WNK1: variants seen among roughly 807,000 people sequenced by gnomAD.
WNK1 encodes the protein WNK lysine deficient protein kinase 1.
In WNK1, 38 loss-of-function variants were observed where a neutral mutation model predicts 222.8. That is an observed-to-expected ratio of 0.17 (90% CI 0.13 to 0.22). The LOEUF (loss-of-function observed/expected upper bound fraction) is 0.22, where lower values mean the gene tolerates loss of function less well. Ranked by LOEUF, WNK1 falls within the 10% of genes least tolerant of loss-of-function variation. The pLI, the probability that WNK1 is intolerant of heterozygous loss-of-function variation, is 1.00. For synonymous variants in WNK1, 1,090 were observed against 1,092.9 expected (o/e 1.00, Z 0.05); for missense variants, 2,348 against 2,918.4 (o/e 0.80, Z 4.50).
rs1337401133 is a variant in WNK1 at position 908,544 on chromosome 12, G to C, written c.6901G>C (p.Gly2301Arg). 1 of 1,614,178 alleles carries C rather than the reference G, an allele frequency of 6.2e-7. No individual in the cohort carries two copies. The highest frequency in any genetic ancestry group is 1.1e-5 in the South Asian group (1 of 91,078). ...CATCTCCATGACCTCGAACCTGGGT[G>C]GCTCTGCCCCCATCTCTGCAGCATC... Reference protein sequence around the residue: ...LCISMTSNLGGSAPISAASAT... With the variant: ...LCISMTSNLGRSAPISAASAT... The change falls in exon 28 of 28, where the codon GGC (glycine) becomes CGC (arginine). Residue 2301 changes from glycine to arginine, a missense_variant. Coordinates refer to ENST00000315939, the MANE Select transcript of WNK1 (RefSeq NM_018979.4).
At chr12:782,740 G>A (rs1337195688) in intron 1 of WNK1, among the ~76,000 whole-genome samples, 1 of 151,954 alleles carries the variant, frequency 6.6e-6, no homozygotes, top group Admixed American at 6.6e-5. Context: ...CTGACCTGAA[G>A]TGATCCACCT....
intron 8 of WNK1, among the ~76,000 whole-genome samples, 191 bp downstream of exon 8, chr12:862,461 A>G (rs1592064938): frequency 6.6e-6 from 1 of 152,270 alleles, no homozygotes; most frequent in South Asian, 2.1e-4. Flanking sequence ...AACTGCCTAC[A>G]TGAAGCAGCT....
At chr12:784,425 T>G (rs1358599269) in intron 1 of WNK1, among the ~76,000 whole-genome samples, 1 of 152,158 alleles carries the variant, frequency 6.6e-6, no homozygotes, top group Non-Finnish European at 1.5e-5. Flanking sequence ...GAATTACAGT[T>G]TTTTAATTTT....
Position 897,203 on chromosome 12 carries a change from A to G in WNK1, c.6246-276A>G, listed in dbSNP as rs12307778. 7.5e-3 allele frequency among the ~76,000 whole-genome samples: 1,148 copies of G among 152,250 alleles called. 12 individuals are homozygous for G. The highest frequency in any genetic ancestry group is 0.026 in the African/African-American group (1,091 of 41,530). Reference sequence around the variant, plus strand: ...CAGATTGGGTCAGAGTAGCAAATTCAGCTATTGTGTGCGTGGCCTCAAAAG... The same window carrying G: ...CAGATTGGGTCAGAGTAGCAAATTCGGCTATTGTGTGCGTGGCCTCAAAAG... On this transcript the variant is annotated intron_variant, in intron 24 of 27. Coordinates refer to ENST00000315939, the MANE Select transcript of WNK1 (RefSeq NM_018979.4).
rs1483819690 is a variant in WNK1, at chr12:813,763, A to G, written c.881A>G (p.Lys294Arg). The change falls in exon 2 of 28, where the codon AAG becomes AGG. Residue 294 changes from lysine to arginine, a missense_variant. By Grantham distance (26) the Lys-to-Arg change is conservative (BLOSUM62 2). Around this residue, in one of 13 missense-constraint regions of WNK1, gnomAD observed 57 missense variants for 219.0 expected, o/e 0.26. Transcript: ENST00000315939. ...YDSWESTVKG[K>R]KCIVLVTELM... ...TCCTGGGAATCCACAGTAAAAGGAA[A>G]GAAGTGCATTGTTTTGGTGACTGAA... 1.9e-6 allele frequency: 3 copies of G among 1,614,052 alleles called. No homozygotes were observed. The highest frequency in any genetic ancestry group is 4.5e-5 in the East Asian group (2 of 44,826).
Position 788,975 on chromosome 12 carries a change from T to C in WNK1, c.760-24667T>C, listed in dbSNP as rs116654996. The stretch of plus-strand genomic sequence containing the variant: ...GACTTTAACCTTTGCTTATAACAGT[T>C]TTTGTGGGAAGGTTTATTAGTTGGT... On this transcript the variant is annotated intron_variant, in intron 1 of 27. Coordinates refer to ENST00000315939, the MANE Select transcript of WNK1 (RefSeq NM_018979.4). 2.6e-3 allele frequency among the ~76,000 whole-genome samples: 395 copies of C among 152,170 alleles called. 2 individuals are homozygous for C. Among genetic ancestry groups the C allele is most frequent in the African/African-American group, 8.7e-3 (363 of 41,512 alleles).
chr12:864,110 G>GA (rs1555136022), intron 8 of WNK1, among the ~76,000 whole-genome samples: 1 of 124,578 alleles, frequency 8.0e-6, no homozygotes, highest in Non-Finnish European at 1.7e-5. Flanking sequence ...ATTTTTTTAA[G>GA]TTTTTTTTTT....
chr12:826,716 T>C (rs1030804282), intron 2 of WNK1, among the ~76,000 whole-genome samples: 28 of 152,224 alleles, frequency 1.8e-4, no homozygotes, highest in African/African-American at 6.8e-4. Context: ...CAATCACTAA[T>C]TAAATATTTT....
At chr12:896,042 A>C (rs1362726157) in intron 23 of WNK1, 29 bp from the exon 24 acceptor site, 9 of 1,614,058 alleles carry the variant, frequency 5.6e-6, no homozygotes, top group Non-Finnish European at 7.6e-6. Context: ...TGAGAACTTA[A>C]GTTTTTAATC....
chr12:905,633 A>G lies in WNK1; in HGVS notation c.6644-2214A>G, dbSNP rs146512163. ...CAATAATTGTTCAAACAGGATGACAATCCCCATGCATGTGATATGCTTGCT... is the reference window on the plus strand; with the variant it reads ...CAATAATTGTTCAAACAGGATGACAGTCCCCATGCATGTGATATGCTTGCT... On this transcript the variant is annotated intron_variant, in intron 26 of 27. Coordinates refer to ENST00000315939, the MANE Select transcript of WNK1 (RefSeq NM_018979.4). 3.3e-5 allele frequency among the ~76,000 whole-genome samples: 5 copies of G among 152,250 alleles called. No individual in the cohort carries two copies. In the East Asian group the frequency reaches 7.7e-4, roughly 23 times the overall value.
chr12:811,426 A>G (rs1204448001), intron 1 of WNK1, among the ~76,000 whole-genome samples: 1 of 152,178 alleles, frequency 6.6e-6, no homozygotes, highest in Non-Finnish European at 1.5e-5. Context: ...CTTTGAACCA[A>G]ATCTTCATTT....
In WNK1 at chr12:884,331, A is replaced by T; in HGVS notation, c.3844+88A>T. The T allele has an allele frequency of 6.4e-7, 1 of 1,568,908 alleles. No individual in the cohort carries two copies. The highest frequency in any genetic ancestry group is 8.8e-7 in the Non-Finnish European group (1 of 1,142,666). ...CTTAATCATAAAGCAGTAATTTATG[A>T]TGACACAGATAATAAAAAAGAATAG... On this transcript the variant is annotated intron_variant, in intron 18 of 27. Coordinates refer to ENST00000315939, the MANE Select transcript of WNK1 (RefSeq NM_018979.4). The surrounding 1 kb of genome is among the most constrained non-coding windows in gnomAD (Gnocchi z 5.6).
chr12:854,360 TTTTTTTG>T (rs1012929302), intron 4 of WNK1, among the ~76,000 whole-genome samples: 3 of 135,470 alleles, frequency 2.2e-5, no homozygotes, highest in Non-Finnish European at 4.8e-5. Flanking sequence ...ATTATCTTTT[TTTTTTTG>T]TTTTTTTTGA....
chr12:859,621 C>A (rs1239494298), intron 6 of WNK1, among the ~76,000 whole-genome samples, 157 bp downstream of exon 6: 1 of 31,872 alleles, frequency 3.1e-5, no homozygotes, highest in Admixed American at 3.4e-4. Flanking sequence ...GTGGGATTTT[C>A]GTGTGTGTGT....
rs887980909 is a variant in WNK1, at chr12:884,339, G to C, written c.3844+96G>C. On this transcript the variant is annotated intron_variant, in intron 18 of 27. Transcript: ENST00000315939. This position sits in a 1 kb window ranked among gnomAD's most constrained non-coding sequence, Gnocchi z 5.6. Reference sequence around the variant, plus strand: ...TAAAGCAGTAATTTATGATGACACAGATAATAAAAAAGAATAGAAAACTGA... The same window carrying C: ...TAAAGCAGTAATTTATGATGACACACATAATAAAAAAGAATAGAAAACTGA... The C allele has an allele frequency of 7.1e-6, 11 of 1,553,820 alleles. No individual in the cohort carries two copies. The highest frequency in any genetic ancestry group is 4.5e-5 in the East Asian group (2 of 44,474).
In WNK1 at chr12:753,613, G is replaced by T. The variant is rs368453008; in HGVS notation, c.48G>T (p.Leu16=). ...AEKQSSTPGS[L]FLSPPAPAPK... ...AGCAGAGCAGCACTCCCGGTTCCCTGTTCCTCTCGCCGCCGGCTCCTGCCC... is the reference window on the plus strand; with the variant it reads ...AGCAGAGCAGCACTCCCGGTTCCCTTTTCCTCTCGCCGCCGGCTCCTGCCC... Residue 16 remains leucine (L), a synonymous_variant, in exon 1 of 28, where the codon CTG becomes CTT. Coordinates refer to ENST00000315939, the MANE Select transcript of WNK1 (RefSeq NM_018979.4). This position sits in a 1 kb window ranked among gnomAD's most constrained non-coding sequence, Gnocchi z 5.2. The T allele has an allele frequency of 3.0e-5, 48 of 1,612,686 alleles. No homozygotes were observed. In the African/African-American group the frequency reaches 6.0e-4, roughly 20 times the overall value.
At chr12:774,195 A>G (rs1355763200) in intron 1 of WNK1, among the ~76,000 whole-genome samples, 1 of 152,194 alleles carries the variant, frequency 6.6e-6, no homozygotes, top group East Asian at 1.9e-4. Context: ...ATATTGGGTA[A>G]TAGGATCTTT....
chr12:772,566 T>C (rs932517834), intron 1 of WNK1, among the ~76,000 whole-genome samples: 14 of 152,168 alleles, frequency 9.2e-5, no homozygotes, highest in Non-Finnish European at 2.9e-5. Flanking sequence ...TTGCCTGATT[T>C]ACCTTATAGA....
At chr12:779,228 C>T (rs1398342280) in intron 1 of WNK1, among the ~76,000 whole-genome samples, 17 of 152,088 alleles carry the variant, frequency 1.1e-4, no homozygotes, top group African/African-American at 4.1e-4. Context: ...AAATTTTTGG[C>T]AGTTATTTTA....
Sources: allele counts gnomAD v4.1 joint callset (sites outside exome capture counted in the v4.1 genomes callset), GRCh38; gene constraint gnomAD v4.1.1; regional missense constraint gnomAD v4.1.1; non-coding constraint Gnocchi (gnomAD v3.1); transcripts MANE v1.5; gene names NCBI Gene and HGNC (gene_info 2026-07-23, HGNC 2026-07-21).